COG7: variants seen among roughly 807,000 people sequenced by gnomAD.
COG7 encodes component of oligomeric golgi complex 7.
In COG7, 49 loss-of-function variants were observed where a neutral mutation model predicts 91.5. The ratio of observed to expected loss-of-function variants is 0.54; its 90% CI spans 0.43 to 0.68. COG7 has a LOEUF of 0.68. Ranked by LOEUF, COG7 falls within the 30% of genes least tolerant of loss-of-function variation. COG7 has a pLI of 0.00. For synonymous variants in COG7, 365 were observed against 388.7 expected, an observed-to-expected ratio of 0.94 and a Z score of 0.72; for missense variants, 895 against 961.3, an observed-to-expected ratio of 0.93 and a Z score of 0.91.
rs1197035661 is a variant in COG7 at position 23,453,125 on chromosome 16, C to A, written c.-131G>T. 2 of 1,495,470 alleles carry A rather than the reference C, an allele frequency of 1.3e-6. No homozygotes were observed. Among genetic ancestry groups the A allele is most frequent in the African/African-American group, 2.8e-5 (2 of 71,652 alleles). 92.6% of individuals were successfully genotyped at this position (1,495,470 alleles called of 1,614,324 possible). On this transcript the variant is annotated 5_prime_UTR_variant, in exon 1 of 17. Coordinates refer to ENST00000307149, the MANE Select transcript of COG7 (RefSeq NM_153603.4). The stretch of plus-strand genomic sequence containing the variant: ...GAGGCGAACCCCAGAAACGCCAGGA[C>A]GGGTAACTTGCCCCTTTGCGCTTCC...
chr16:23,392,917 C>T (rs1419162087), intron 15 of COG7, among the ~76,000 whole-genome samples: 1 of 152,066 alleles, frequency 6.6e-6, no homozygotes, highest in Non-Finnish European at 1.5e-5. Context: ...GGTGACACAG[C>T]AAGACTCTGT....
chr16:23,392,045 C>T lies in COG7; in HGVS notation c.2146+335G>A, dbSNP rs1015455878. The T allele has an allele frequency of 7.7e-5, 95 of 1,237,650 alleles. No homozygotes were observed. In the African/African-American group the frequency reaches 1.4e-3, roughly 19 times the overall value. The allele number at this position is 1,237,650 out of a possible 1,614,324, so 76.7% of individuals were successfully genotyped here. A position where few individuals can be genotyped will look rare whatever the true frequency, so the allele number is the denominator to read the frequency against. On this transcript the variant is annotated intron_variant, in intron 16 of 16. Transcript: ENST00000307149. The stretch of plus-strand genomic sequence containing the variant: ...AGGCATGCCTGGTATGCAGTAAGAG[C>T]TCATTAAACACTGGTTGGGAATTAT...
At chr16:23,448,998 T>A (rs953185080) in intron 1 of COG7, among the ~76,000 whole-genome samples, 9 of 152,200 alleles carry the variant, frequency 5.9e-5, no homozygotes, top group Non-Finnish European at 1.0e-4. Flanking sequence ...ACATTAAGCA[T>A]CACTGGGTCC....
intron 4 of COG7, among the ~76,000 whole-genome samples, chr16:23,440,920 C>T (rs1054946581): frequency 3.3e-5 from 5 of 152,104 alleles, no homozygotes; most frequent in East Asian, 1.9e-4. Context: ...TTAGAAAAAC[C>T]ACACATGGCA....
At chr16:23,411,442 T>C (rs1222003162) in intron 10 of COG7, among the ~76,000 whole-genome samples, 1 of 152,352 alleles carries the variant, frequency 6.6e-6, no homozygotes, top group Non-Finnish European at 1.5e-5. Context: ...TGCATAATAT[T>C]TTCCAGAATA....
rs561669423 is a variant in COG7, at chr16:23,410,832, A to G, written c.1410-472T>C. On this transcript the variant is annotated intron_variant, in intron 10 of 16. Coordinates refer to ENST00000307149, the MANE Select transcript of COG7 (RefSeq NM_153603.4). The stretch of plus-strand genomic sequence containing the variant: ...GTGACTCTCCTGCCTCAGCCTCCCA[A>G]GTAGCTGGGATTACAGGCGCACGCC... Among the ~76,000 whole-genome samples the G allele has an allele frequency of 2.8e-3, 426 of 152,128 alleles. 1 individual carries two copies. The highest frequency in any genetic ancestry group is 4.7e-3 in the Non-Finnish European group (322 of 67,980).
chr16:23,437,338 A>C (rs1964027998), intron 4 of COG7, among the ~76,000 whole-genome samples: 1 of 151,650 alleles, frequency 6.6e-6, no homozygotes, highest in Non-Finnish European at 1.5e-5. Context: ...CTCCATCCCC[A>C]CTCCCACTCC....
At chr16:23,396,743 T>A (rs979825960) in intron 14 of COG7, among the ~76,000 whole-genome samples, 1 of 152,050 alleles carries the variant, frequency 6.6e-6, no homozygotes, top group African/African-American at 2.4e-5. Flanking sequence ...ACCCACATCT[T>A]AACAGTTTCA....
chr16:23,416,600 T>C, intron 9 of COG7: 1 of 323,568 alleles, frequency 3.1e-6, no homozygotes, highest in South Asian at 2.7e-5. Context: ...CCCAAAGTAC[T>C]GGGATTACAG....
At chr16:23,393,413 T>C (rs1168659122) in intron 14 of COG7, 66 bp from the exon 15 acceptor site, 1 of 1,295,006 alleles carries the variant, frequency 7.7e-7, no homozygotes, top group Admixed American at 1.7e-5. Context: ...TATGGGTACA[T>C]TTGTGTGAAG....
At chr16:23,431,949 C>T (rs1164042427) in intron 6 of COG7, among the ~76,000 whole-genome samples, 5 of 151,940 alleles carry the variant, frequency 3.3e-5, no homozygotes, top group Admixed American at 2.6e-4. Context: ...AGAGACCAGC[C>T]TGGGCAACAC....
Position 23,420,518 on chromosome 16 carries a change from A to G in COG7, c.1010-1691T>C, listed in dbSNP as rs549073550. 4.6e-5 allele frequency among the ~76,000 whole-genome samples: 7 copies of G among 152,098 alleles called. No individual in the cohort carries two copies. The South Asian group carries it at 1.5e-3, about 32-fold the overall frequency. On this transcript the variant is annotated intron_variant, in intron 7 of 16. Transcript: ENST00000307149. ...AGTTCCTAAAAGCTTCCTTCTGTTC[A>G]CATGCTGATCCTCTGTCTGGAAGGA...
At chr16:23,407,714 G>A (rs1963485509) in intron 11 of COG7, among the ~76,000 whole-genome samples, 1 of 152,202 alleles carries the variant, frequency 6.6e-6, no homozygotes, top group Non-Finnish European at 1.5e-5. Flanking sequence ...CTAGCACAGT[G>A]CCTGGTACGT....
chr16:23,419,849 C>G (rs1387281337), intron 7 of COG7, among the ~76,000 whole-genome samples: 1 of 151,618 alleles, frequency 6.6e-6, no homozygotes, highest in Non-Finnish European at 1.5e-5. Context: ...ACAGAATACC[C>G]CCACTGGCAG....
chr16:23,409,477 A>C (rs1284084448), intron 11 of COG7, among the ~76,000 whole-genome samples: 1 of 151,906 alleles, frequency 6.6e-6, no homozygotes, highest in Admixed American at 6.6e-5. Flanking sequence ...CTTTCATTTC[A>C]CTTTGTACCA....
intron 7 of COG7, among the ~76,000 whole-genome samples, chr16:23,422,918 G>A (rs896382201): frequency 9.2e-5 from 14 of 151,474 alleles, no homozygotes; most frequent in Admixed American, 4.0e-4. Context: ...GGTAGTGTGT[G>A]CCTGTAATCC....
intron 15 of COG7, 38 bp downstream of exon 15, chr16:23,393,195 C>T: frequency 1.3e-6 from 2 of 1,482,280 alleles, no homozygotes; most frequent in Non-Finnish European, 1.9e-6. Context: ...AAACTGACAG[C>T]TTGACTTGTA....
chr16:23,449,090 G>A (rs1320448632), intron 1 of COG7, among the ~76,000 whole-genome samples: 1 of 152,096 alleles, frequency 6.6e-6, no homozygotes, highest in East Asian at 1.9e-4. Flanking sequence ...ACAGCCAGGC[G>A]CAGTGGCTCA....
chr16:23,444,127 GACT>G (rs1189915533), intron 3 of COG7, among the ~76,000 whole-genome samples: 1 of 150,510 alleles, frequency 6.6e-6, no homozygotes, highest in East Asian at 1.9e-4. Flanking sequence ...TTCAGAATGA[GACT>G]CCGTTTCAAA....
Sources: allele counts gnomAD v4.1 joint callset (sites outside exome capture counted in the v4.1 genomes callset), GRCh38; gene constraint gnomAD v4.1.1; transcripts MANE v1.5; gene names NCBI Gene and HGNC (gene_info 2026-07-23, HGNC 2026-07-21).